CSMD3: variants seen among roughly 807,000 people sequenced by gnomAD.
CSMD3 encodes the protein CUB and Sushi multiple domains 3.
In CSMD3, 177 loss-of-function variants were observed where a neutral mutation model predicts 435.2. The ratio of observed to expected loss-of-function variants is 0.41; its 90% confidence interval spans 0.36 to 0.46. CSMD3 has a LOEUF of 0.46. Among genes scored for constraint, CSMD3 ranks in the 20% least tolerant of loss-of-function variants. CSMD3 has a pLI of 0.34. For synonymous variants in CSMD3, 1,656 were observed against 1,520.5 expected, an observed-to-expected ratio of 1.09 and a Z score of -2.07; for missense variants, 4,265 against 4,504.6, an observed-to-expected ratio of 0.95 and a Z score of 1.52.
chr8:113,189,808 A>G (rs1449330692), intron 3 of CSMD3, among the ~76,000 whole-genome samples: 1 of 151,806 alleles, frequency 6.6e-6, no homozygotes, highest in Non-Finnish European at 1.5e-5. Flanking sequence ...AAGTCACATG[A>G]ACTCACACAG....
chr8:112,380,399 T>C lies in CSMD3; in HGVS notation c.6089A>G (p.Gln2030Arg). 1 of 1,603,918 alleles carries C rather than the reference T, an allele frequency of 6.2e-7. No homozygotes were observed. Among genetic ancestry groups the C allele is most frequent in the Non-Finnish European group, 8.5e-7 (1 of 1,171,110 alleles). Residue 2030 changes from glutamine (Q) to arginine (R), a missense_variant, in exon 38 of 71, where the codon CAA (glutamine) becomes CGA (arginine). Gln to Arg is a conservative substitution (Grantham distance 43). This residue lies in a region of CSMD3 where 3,255 missense variants were observed against 3,380.2 expected (regional missense o/e 0.96). Coordinates refer to ENST00000297405, the MANE Select transcript of CSMD3 (RefSeq NM_198123.2). ...STSNNLYLNFQSDISVSAAGF... is the reference protein window; with the variant it reads ...STSNNLYLNFRSDISVSAAGF... ...TGCAGCAGAAACACTGATGTCTGAT[T>C]GAAAATTTAGATACAGATTATTAGA...
intron 4 of CSMD3, among the ~76,000 whole-genome samples, chr8:113,145,710 C>T (rs537228645): frequency 6.6e-6 from 1 of 151,304 alleles, no homozygotes. Context: ...TTAATTTCTG[C>T]CTTGTTTTGT....
chr8:112,837,659 T>C (rs2080066770), intron 11 of CSMD3, among the ~76,000 whole-genome samples: 1 of 151,744 alleles, frequency 6.6e-6, no homozygotes, highest in Non-Finnish European at 1.5e-5. Context: ...TCGTATCTGT[T>C]CACAATGGAT....
At chr8:112,859,350 C>T (rs2129864577) in intron 10 of CSMD3, 84 bp from the exon 11 acceptor site, 1 of 1,128,366 alleles carries the variant, frequency 8.9e-7, no homozygotes, top group Non-Finnish European at 1.3e-6. Flanking sequence ...ATAGACTTTA[C>T]ATTCAAAATG....
chr8:113,369,841 T>C (rs1051950370), intron 1 of CSMD3, among the ~76,000 whole-genome samples: 17 of 151,864 alleles, frequency 1.1e-4, no homozygotes, highest in Admixed American at 5.2e-4. Flanking sequence ...CTCTCACATG[T>C]AGAATCAAAA....
At chr8:112,552,880 A>G (rs1460746675) in intron 25 of CSMD3, among the ~76,000 whole-genome samples, 160 bp from the exon 26 acceptor site, 2 of 152,090 alleles carry the variant, frequency 1.3e-5, no homozygotes, top group African/African-American at 2.4e-5. Flanking sequence ...GCAAGAATAT[A>G]TAATACAATC....
At chr8:113,155,050 T>C (rs1036317432) in intron 4 of CSMD3, among the ~76,000 whole-genome samples, 1 of 152,022 alleles carries the variant, frequency 6.6e-6, no homozygotes, top group African/African-American at 2.4e-5. Flanking sequence ...TATAATAAAC[T>C]ATCTTCCAAA....
intron 28 of CSMD3, 80 bp downstream of exon 28, chr8:112,516,954 A>G: frequency 9.3e-7 from 1 of 1,080,870 alleles, no homozygotes; most frequent in Non-Finnish European, 1.4e-6. Flanking sequence ...CTAGTCTAGA[A>G]TATGGTTCTT....
intron 4 of CSMD3, among the ~76,000 whole-genome samples, chr8:113,101,337 C>CA (rs2090324524): frequency 1.3e-5 from 2 of 152,130 alleles, no homozygotes; most frequent in South Asian, 4.1e-4. Flanking sequence ...AACTCCCTCA[C>CA]AAAAATCCTG....
intron 30 of CSMD3, among the ~76,000 whole-genome samples, chr8:112,496,761 G>GT (rs1281015725): frequency 6.6e-6 from 1 of 152,102 alleles, no homozygotes; most frequent in Non-Finnish European, 1.5e-5. Context: ...TGAACTCATG[G>GT]AGTTAGAGGG....
chr8:112,273,982 A>G (rs1213623689), intron 59 of CSMD3, among the ~76,000 whole-genome samples: 1 of 151,896 alleles, frequency 6.6e-6, no homozygotes, highest in Non-Finnish European at 1.5e-5. Context: ...ACTTTTAGCT[A>G]AAAAGGATAT....
At chr8:112,657,612 G>T (rs1433868235) in intron 17 of CSMD3, among the ~76,000 whole-genome samples, 3 of 152,076 alleles carry the variant, frequency 2.0e-5, no homozygotes, top group Non-Finnish European at 1.5e-5. Flanking sequence ...GCACTTCAGG[G>T]TTATACTATA....
At chr8:112,981,095 G>T (rs1311856023) in intron 6 of CSMD3, among the ~76,000 whole-genome samples, 1 of 151,298 alleles carries the variant, frequency 6.6e-6, no homozygotes, top group African/African-American at 2.4e-5. Flanking sequence ...TATAAAATTT[G>T]ATTTCAAATT....
At chr8:112,747,491 C>A (rs2077460000) in intron 13 of CSMD3, among the ~76,000 whole-genome samples, 1 of 151,908 alleles carries the variant, frequency 6.6e-6, no homozygotes, top group Non-Finnish European at 1.5e-5. Context: ...GTGGTACCTA[C>A]CAAGGGCAAA....
intron 11 of CSMD3, among the ~76,000 whole-genome samples, chr8:112,851,435 A>G (rs1329729836): frequency 6.6e-6 from 1 of 152,034 alleles, no homozygotes; most frequent in Non-Finnish European, 1.5e-5. Context: ...CATGAGAGAG[A>G]GAATCGTGAC....
intron 9 of CSMD3, among the ~76,000 whole-genome samples, chr8:112,940,559 A>T (rs2130763410): frequency 6.6e-6 from 1 of 151,876 alleles, no homozygotes; most frequent in South Asian, 2.1e-4. Flanking sequence ...AATGCTGCCA[A>T]CTTTATATCT....
chr8:112,863,410 T>A (rs2080880708), intron 10 of CSMD3, among the ~76,000 whole-genome samples: 1 of 151,864 alleles, frequency 6.6e-6, no homozygotes, highest in Non-Finnish European at 1.5e-5. Context: ...CGTCATGAAC[T>A]GAAAATACCA....
chr8:113,119,552 G>T (rs1324991227), intron 4 of CSMD3, among the ~76,000 whole-genome samples: 1 of 152,100 alleles, frequency 6.6e-6, no homozygotes, highest in African/African-American at 2.4e-5. Context: ...GGAAAAAGAT[G>T]CCCAAAGGAG....
intron 38 of CSMD3, among the ~76,000 whole-genome samples, chr8:112,368,997 TATTATA>T (rs1050172264): frequency 2.6e-5 from 4 of 152,124 alleles, no homozygotes; most frequent in African/African-American, 7.2e-5. Flanking sequence ...TAACCTTCTT[TATTATA>T]ATTATAATAA....
Sources: gnomAD v4.1 joint callset for allele counts (sites outside exome capture counted in the v4.1 genomes callset) on GRCh38, gnomAD v4.1.1 for gene constraint, gnomAD v4.1.1 regional missense constraint, MANE v1.5 for transcripts, NCBI Gene and HGNC (gene_info 2026-07-23, HGNC 2026-07-21) for gene names.